ZPLD1: variants seen among roughly 807,000 people sequenced by gnomAD.
The protein encoded by ZPLD1 is zona pellucida like domain containing 1.
ZPLD1 carries 34 observed loss-of-function variants against 47.2 expected under a neutral mutation model. That is an observed-to-expected ratio of 0.72 (90% CI 0.55 to 0.96). The LOEUF (loss-of-function observed/expected upper bound fraction) is 0.96. ZPLD1 is among the 40% of genes least tolerant of loss of function. The pLI is 0.00. For synonymous variants in ZPLD1, 176 were observed against 186.2 expected (o/e 0.95, Z 0.45); for missense variants, 512 against 505.8 (o/e 1.01, Z -0.12).
chr3:102,452,617 A>G (rs751566067), intron 3 of ZPLD1, among the ~76,000 whole-genome samples: 2 of 152,240 alleles, frequency 1.3e-5, no homozygotes, highest in Non-Finnish European at 2.9e-5. Context: ...TTTCCACTCA[A>G]TTCTCTGGTC....
chr3:102,407,887 G>T (rs1205913590), intron 7 of ZPLD1, among the ~76,000 whole-genome samples: 2 of 151,838 alleles, frequency 1.3e-5, no homozygotes, highest in East Asian at 1.9e-4. Context: ...CTTTCAGCAC[G>T]ATGCAATGAG....
chr3:102,419,559 A>G (rs551392337), intron 8 of ZPLD1, among the ~76,000 whole-genome samples: 1 of 151,738 alleles, frequency 6.6e-6, no homozygotes, highest in East Asian at 1.9e-4. Flanking sequence ...GGAAAATTCT[A>G]CATTTCTTTC....
At chr3:102,462,031 A>G (rs1412002356) in intron 6 of ZPLD1, among the ~76,000 whole-genome samples, 1 of 152,116 alleles carries the variant, frequency 6.6e-6, no homozygotes, top group African/African-American at 2.4e-5. Context: ...AGATACAGTG[A>G]ACATTAGCCA....
intron 7 of ZPLD1, among the ~76,000 whole-genome samples, chr3:102,393,179 C>T (rs191514523): frequency 1.3e-5 from 2 of 152,216 alleles, no homozygotes; most frequent in East Asian, 1.9e-4. Context: ...GAAGATACAA[C>T]ACCAAAAATT....
intron 7 of ZPLD1, among the ~76,000 whole-genome samples, chr3:102,406,348 C>G (rs112302065): frequency 2.7e-4 from 41 of 152,058 alleles, no homozygotes; most frequent in East Asian, 1.6e-3. Flanking sequence ...AAGTTACCCT[C>G]ATCTCAACCT....
intron 7 of ZPLD1, among the ~76,000 whole-genome samples, chr3:102,394,914 T>G (rs540028445): frequency 1.3e-5 from 2 of 152,294 alleles, no homozygotes; most frequent in South Asian, 4.1e-4. Flanking sequence ...TTATTCTTAA[T>G]TAGGGCAATT....
chr3:102,453,501 A>G (rs780868006), intron 4 of ZPLD1, among the ~76,000 whole-genome samples: 9 of 152,216 alleles, frequency 5.9e-5, no homozygotes, highest in Non-Finnish European at 1.3e-4. Context: ...TGAGTCTGGC[A>G]GTGAACCGCT....
chr3:102,437,551 G>A lies in ZPLD1; in HGVS notation c.-9+578G>A, dbSNP rs113058419. Among the ~76,000 whole-genome samples, 1,395 of 152,046 alleles carry A rather than the reference G, an allele frequency of 9.2e-3. 21 individuals are homozygous for A. Among genetic ancestry groups the A allele is most frequent in the African/African-American group, 0.031 (1,300 of 41,464 alleles). On this transcript the variant is annotated intron_variant, in intron 2 of 11. Coordinates refer to ENST00000466937, the MANE Select transcript of ZPLD1 (RefSeq NM_001329788.2). ...TTTATTTTCTTTTTGCTTTTTATGCGTAGACCAAGACCACCAACCCAAAAG... is the reference window on the plus strand; with the variant it reads ...TTTATTTTCTTTTTGCTTTTTATGCATAGACCAAGACCACCAACCCAAAAG...
intron 7 of ZPLD1, among the ~76,000 whole-genome samples, chr3:102,409,830 C>T (rs1004611943): frequency 3.3e-5 from 5 of 151,752 alleles, no homozygotes; most frequent in African/African-American, 7.3e-5. Flanking sequence ...TCAAATAAAT[C>T]TTCACAAATA....
chr3:102,427,331 G>A (rs570122522), intron 8 of ZPLD1, among the ~76,000 whole-genome samples: 6 of 152,218 alleles, frequency 3.9e-5, no homozygotes, highest in African/African-American at 1.4e-4. Context: ...AAGGGCTAAT[G>A]TTTTTCTTTA....
chr3:102,404,392 A>G (rs1237765876), intron 7 of ZPLD1, among the ~76,000 whole-genome samples: 1 of 151,988 alleles, frequency 6.6e-6, no homozygotes, highest in Non-Finnish European at 1.5e-5. Context: ...AGCCTTTAAA[A>G]TGTAGGCTGC....
chr3:102,449,553 G>A (rs1707306120), intron 3 of ZPLD1, among the ~76,000 whole-genome samples: 1 of 152,156 alleles, frequency 6.6e-6, no homozygotes, highest in Non-Finnish European at 1.5e-5. Context: ...CCCAGGATGT[G>A]AGTCATCCCT....
intron 6 of ZPLD1, among the ~76,000 whole-genome samples, chr3:102,459,071 C>CAGAGCG (rs1707465704): frequency 8.9e-6 from 1 of 111,808 alleles, no homozygotes; most frequent in Non-Finnish European, 1.6e-5. Context: ...GCCTGGGAGA[C>CAGAGCG]AGAGCGAGAC....
intron 8 of ZPLD1, among the ~76,000 whole-genome samples, chr3:102,423,904 C>T (rs1170822120): frequency 6.6e-6 from 1 of 152,146 alleles, no homozygotes; most frequent in African/African-American, 2.4e-5. Flanking sequence ...GTAGCCCATT[C>T]TCTACTCTTC....
intron 7 of ZPLD1, among the ~76,000 whole-genome samples, chr3:102,463,883 C>CAAAAA (rs1211126564): frequency 0.13 from 14,538 of 109,672 alleles, 822 homozygotes; most frequent in Middle Eastern, 0.15. Context: ...ATTAAAAATA[C>CAAAAA]AAAAAAAAAA....
Position 102,449,457 on chromosome 3 carries a change from TTC to T in ZPLD1, c.107-3461_107-3460del, listed in dbSNP as rs1489170986. On this transcript the variant is annotated intron_variant, in intron 3 of 11. Coordinates refer to ENST00000466937, the MANE Select transcript of ZPLD1 (RefSeq NM_001329788.2). ...TGTTCAGAAAATACTAAGTGGAAAA[TTC>T]CATATATAAACAATTCACACATTTT... Among the ~76,000 whole-genome samples the T allele has an allele frequency of 9.5e-3, 1,454 of 152,276 alleles. 21 individuals are homozygous for T. The highest frequency in any genetic ancestry group is 0.033 in the African/African-American group (1,367 of 41,536).
At chr3:102,471,512 A>C (rs775901814) in intron 10 of ZPLD1, among the ~76,000 whole-genome samples, 57 of 152,194 alleles carry the variant, frequency 3.7e-4, no homozygotes, top group Non-Finnish European at 7.3e-4. Flanking sequence ...CTCTTTATAA[A>C]CATATCCTCA....
At chr3:102,442,722 G>C (rs908105286) in intron 3 of ZPLD1, among the ~76,000 whole-genome samples, 9 of 152,112 alleles carry the variant, frequency 5.9e-5, no homozygotes, top group African/African-American at 1.4e-4. Context: ...ATAATGATGA[G>C]AGCAATCATC....
intron 10 of ZPLD1, among the ~76,000 whole-genome samples, chr3:102,470,868 TC>T (rs1391097642): frequency 2.0e-5 from 3 of 150,062 alleles, no homozygotes; most frequent in African/African-American, 7.4e-5. Context: ...AACCTCCGCC[TC>T]CCGGGTTCAA....
Sources: gnomAD v4.1 joint callset for allele counts (sites outside exome capture counted in the v4.1 genomes callset) on GRCh38, gnomAD v4.1.1 for gene constraint, MANE v1.5 for transcripts, NCBI Gene and HGNC (gene_info 2026-07-23, HGNC 2026-07-21) for gene names.